Variants in TINAG observed in about 807,000 individuals in gnomAD.
TINAG encodes the protein tubulointerstitial nephritis antigen.
A neutral mutation model predicts 72.7 loss-of-function variants in TINAG; 83 were observed. The observed-to-expected ratio is 1.14, with a 90% CI of 0.96 to 1.37. The LOEUF is 1.37. Ranked by LOEUF, TINAG falls within the 40% of genes most tolerant of loss-of-function variation. The pLI is 0.00. For missense variants in TINAG, 685 were observed against 576.6 expected (o/e 1.19, Z -1.93); for synonymous variants, 234 against 189.9 (o/e 1.23, Z -1.91).
chr6:54,346,393 T>C (rs892478599), intron 5 of TINAG, among the ~76,000 whole-genome samples: 1 of 151,768 alleles, frequency 6.6e-6, no homozygotes, highest in East Asian at 1.9e-4. Flanking sequence ...AGAATAGAAG[T>C]TTTAATAATA....
At chr6:54,330,664 G>A (rs1784717078) in intron 4 of TINAG, among the ~76,000 whole-genome samples, 1 of 152,152 alleles carries the variant, frequency 6.6e-6, no homozygotes, top group South Asian at 2.1e-4. Context: ...AATGAATGCA[G>A]GAGCTGGTTT....
chr6:54,380,443 G>C, intron 9 of TINAG, 83 bp from the exon 10 acceptor site: 1 of 1,153,410 alleles, frequency 8.7e-7, no homozygotes, highest in Non-Finnish European at 1.3e-6. Context: ...AAAAGATGTA[G>C]GAATGACAAT....
At chr6:54,349,431 T>G (rs1176619310) in intron 6 of TINAG, among the ~76,000 whole-genome samples, 1 of 152,020 alleles carries the variant, frequency 6.6e-6, no homozygotes, top group Non-Finnish European at 1.5e-5. Flanking sequence ...GACTTAATAT[T>G]GACAGCCATT....
Position 54,324,202 on chromosome 6 carries a change from T to A in TINAG, c.510-2600T>A, listed in dbSNP as rs529315318. Reference sequence around the variant, plus strand: ...TTTTAAAACGATAAGCTTTTCATCTTTTCACATCAGCAATTTGGAATAGGT... The same window carrying A: ...TTTTAAAACGATAAGCTTTTCATCTATTCACATCAGCAATTTGGAATAGGT... On this transcript the variant is annotated intron_variant, in intron 3 of 10. Coordinates refer to ENST00000259782, the MANE Select transcript of TINAG (RefSeq NM_014464.4). Among the ~76,000 whole-genome samples the A allele has an allele frequency of 1.1e-4, 17 of 152,328 alleles. No homozygotes were observed. The East Asian group carries it at 3.3e-3, about 29-fold the overall frequency.
Position 54,377,410 on chromosome 6 carries a change from G to A in TINAG, c.1251-3116G>A, listed in dbSNP as rs577945903. On this transcript the variant is annotated intron_variant, in intron 9 of 10. Coordinates refer to ENST00000259782, the MANE Select transcript of TINAG (RefSeq NM_014464.4). ...GCTTGTAATCCCAGCTACTCGGGAA[G>A]CTGAGGCAGGAGAATCGCTGGAACC... is the stretch of plus-strand genomic sequence containing the variant. 2.0e-5 allele frequency among the ~76,000 whole-genome samples: 3 copies of A among 152,260 alleles called. No homozygotes were observed. In the East Asian group the frequency reaches 5.8e-4, roughly 29 times the overall value.
intron 7 of TINAG, 109 bp from the exon 8 acceptor site, chr6:54,351,243 T>C: frequency 1.0e-6 from 1 of 957,376 alleles, no homozygotes; most frequent in East Asian, 2.8e-5. Flanking sequence ...CGTGAGTTTT[T>C]CAAAGTACAA....
rs150559035 is a variant in TINAG, at chr6:54,382,198, T to C, written c.1296+1627T>C. Among the ~76,000 whole-genome samples, 917 of 152,214 alleles carry C rather than the reference T, an allele frequency of 6.0e-3. 8 individuals are homozygous for C. Among genetic ancestry groups the C allele is most frequent in the Non-Finnish European group, 0.01 (689 of 67,960 alleles). On this transcript the variant is annotated intron_variant, in intron 10 of 10. Transcript: ENST00000259782. ...GGGGTAAGATTTCTTTCTGCTATGA[T>C]TTGTTTGATAAATTGTTGAATGCAA...
intron 4 of TINAG, among the ~76,000 whole-genome samples, chr6:54,335,348 T>C (rs1280466165): frequency 6.6e-6 from 1 of 152,182 alleles, no homozygotes; most frequent in South Asian, 2.1e-4. Flanking sequence ...GAATTTAAAT[T>C]ACCTAGTGCT....
chr6:54,329,943 C>T (rs1485672361), intron 4 of TINAG, among the ~76,000 whole-genome samples: 1 of 151,940 alleles, frequency 6.6e-6, no homozygotes, highest in Non-Finnish European at 1.5e-5. Flanking sequence ...TATGTATGCA[C>T]CCAATACAGG....
rs148583310 is a variant in TINAG at position 54,383,384 on chromosome 6, T to C, written c.1296+2813T>C. 2.3e-3 allele frequency among the ~76,000 whole-genome samples: 351 copies of C among 152,250 alleles called. 5 individuals carry two copies. Among genetic ancestry groups the C allele is most frequent in the African/African-American group, 7.8e-3 (323 of 41,554 alleles). The stretch of plus-strand genomic sequence containing the variant: ...TATAAACCTATTTTTATAATAAAAA[T>C]ATTGAAAGTCTTTCACTACTGAGTA... On this transcript the variant is annotated intron_variant, in intron 10 of 10. Transcript: ENST00000259782.
In TINAG at chr6:54,368,222, A is replaced by T. The variant is rs998098823; in HGVS notation, c.1251-12304A>T. Among the ~76,000 whole-genome samples, 3 of 147,924 alleles carry T rather than the reference A, an allele frequency of 2.0e-5. No homozygotes were observed. The South Asian group carries it at 6.3e-4, about 31-fold the overall frequency. ...AAAGTTATATATTATACTAAATATT[A>T]TGTTACATATGTTATAATATACAAC... On this transcript the variant is annotated intron_variant, in intron 9 of 10. Coordinates refer to ENST00000259782, the MANE Select transcript of TINAG (RefSeq NM_014464.4).
chr6:54,340,967 T>C (rs764017191), intron 4 of TINAG, among the ~76,000 whole-genome samples: 2 of 152,134 alleles, frequency 1.3e-5, no homozygotes, highest in Non-Finnish European at 2.9e-5. Context: ...ATATCTCCCA[T>C]ATGCAAAGTA....
intron 5 of TINAG, among the ~76,000 whole-genome samples, chr6:54,344,613 C>T (rs1785076791): frequency 6.6e-6 from 1 of 152,102 alleles, no homozygotes; most frequent in Admixed American, 6.6e-5. Context: ...TATATTATGC[C>T]AGTATTTCTG....
rs1418194548 is a variant in TINAG at position 54,337,204 on chromosome 6, A to G, written c.625-6022A>G. Among the ~76,000 whole-genome samples, 4 of 151,558 alleles carry G rather than the reference A, an allele frequency of 2.6e-5. No individual in the cohort carries two copies. In the East Asian group the frequency reaches 5.8e-4, roughly 22 times the overall value. ...TAAGAAATATCTTTGAAAATCTTAA[A>G]GTAATTTTCCAAGTTTAGTTTCTAC... On this transcript the variant is annotated intron_variant, in intron 4 of 10. Coordinates refer to ENST00000259782, the MANE Select transcript of TINAG (RefSeq NM_014464.4).
At chr6:54,317,277 T>C (rs533415251) in intron 1 of TINAG, among the ~76,000 whole-genome samples, 2 of 152,146 alleles carry the variant, frequency 1.3e-5, no homozygotes, top group Non-Finnish European at 2.9e-5. Flanking sequence ...TTTTTTCTTT[T>C]CTTTTCTCCT....
intron 4 of TINAG, among the ~76,000 whole-genome samples, chr6:54,329,483 A>T (rs1012928194): frequency 6.6e-6 from 1 of 152,174 alleles, no homozygotes; most frequent in African/African-American, 2.4e-5. Flanking sequence ...AGCACTAAAT[A>T]TAGAAAGGAA....
chr6:54,382,117 T>C (rs1763970448), intron 10 of TINAG, among the ~76,000 whole-genome samples: 1 of 152,086 alleles, frequency 6.6e-6, no homozygotes, highest in African/African-American at 2.4e-5. Flanking sequence ...TTACTATCGA[T>C]TCTGAACTTA....
chr6:54,341,694 T>TA (rs1784998890), intron 4 of TINAG, among the ~76,000 whole-genome samples: 1 of 152,174 alleles, frequency 6.6e-6, no homozygotes, highest in African/African-American at 2.4e-5. Context: ...TTTTGCAAGA[T>TA]ACCAACCAGA....
At chr6:54,324,953 C>G (rs1784570456) in intron 3 of TINAG, among the ~76,000 whole-genome samples, 1 of 152,118 alleles carries the variant, frequency 6.6e-6, no homozygotes, top group South Asian at 2.1e-4. Flanking sequence ...ACTACCTTAT[C>G]TTTTATACCG....
Sources: gnomAD v4.1 joint callset for allele counts (sites outside exome capture counted in the v4.1 genomes callset) on GRCh38, gnomAD v4.1.1 for gene constraint, MANE v1.5 for transcripts, NCBI Gene and HGNC (gene_info 2026-07-23, HGNC 2026-07-21) for gene names.